The following TOGARAM1 variants were observed in gnomAD, a reference collection of about 807,000 sequenced individuals.
The protein encoded by TOGARAM1 is TOG array regulator of axonemal microtubules 1, also known as TOG array regulator of axonemal microtubules protein 1.
A neutral mutation model predicts 166.6 loss-of-function variants in TOGARAM1; 100 were observed. The ratio of observed to expected loss-of-function variants is 0.60; its 90% CI spans 0.51 to 0.71. The LOEUF (loss-of-function observed/expected upper bound fraction) is 0.71, where lower values mean the gene tolerates loss of function less well. TOGARAM1 is among the 30% of genes least tolerant of loss of function. TOGARAM1 has a pLI of 0.00. For synonymous variants in TOGARAM1, 758 were observed against 763.8 expected, an observed-to-expected ratio of 0.99 and a Z score of 0.13; for missense variants, 2,029 against 2,102.7, an observed-to-expected ratio of 0.96 and a Z score of 0.69.
intron 5 of TOGARAM1, chr14:45,007,001 T>G (rs1307762702): frequency 6.6e-6 from 1 of 152,140 alleles, no homozygotes; most frequent in African/African-American, 2.4e-5. Flanking sequence ...GCTGTATTAC[T>G]TTGGTTTCAG....
chr14:45,010,305 G>GT (rs1007271609), intron 6 of TOGARAM1, among the ~76,000 whole-genome samples: 2 of 152,152 alleles, frequency 1.3e-5, no homozygotes, highest in African/African-American at 4.8e-5. Context: ...GTACTTGGAA[G>GT]TTTTATCTTC....
intron 1 of TOGARAM1, among the ~76,000 whole-genome samples, chr14:44,980,662 C>T (rs1263007385): frequency 6.6e-6 from 1 of 152,118 alleles, no homozygotes. Context: ...GCCATGGCAA[C>T]AGAGTGAGAC....
chr14:45,040,273 G>C (rs1420764815), intron 11 of TOGARAM1, among the ~76,000 whole-genome samples: 1 of 152,050 alleles, frequency 6.6e-6, no homozygotes, highest in Non-Finnish European at 1.5e-5. Context: ...ATGAAATAAA[G>C]AATGAAACAT....
chr14:45,072,312 G>T (rs1883421131), intron 19 of TOGARAM1, among the ~76,000 whole-genome samples: 1 of 152,150 alleles, frequency 6.6e-6, no homozygotes, highest in South Asian at 2.1e-4. Context: ...ATGGTCCAGT[G>T]CTGTCTCAGG....
intron 6 of TOGARAM1, among the ~76,000 whole-genome samples, chr14:45,011,524 G>A (rs1879791526): frequency 6.6e-6 from 1 of 151,984 alleles, no homozygotes; most frequent in African/African-American, 2.4e-5. Flanking sequence ...ATGGTGCCCA[G>A]GCTGGCCTTG....
chr14:45,053,782 A>G (rs1050316809), intron 15 of TOGARAM1, among the ~76,000 whole-genome samples: 10 of 152,222 alleles, frequency 6.6e-5, no homozygotes, highest in African/African-American at 2.2e-4. Context: ...AATGTTGCAT[A>G]GGAACAACAG....
intron 1 of TOGARAM1, among the ~76,000 whole-genome samples, chr14:44,992,866 C>T (rs1459377367): frequency 1.3e-5 from 2 of 151,490 alleles, no homozygotes; most frequent in East Asian, 3.9e-4. Context: ...ATCTGCCTGC[C>T]TGGGCCTCCC....
intron 8 of TOGARAM1, 37 bp downstream of exon 8, chr14:45,025,909 T>TAA: frequency 1.9e-6 from 2 of 1,078,156 alleles, no homozygotes; most frequent in Non-Finnish European, 2.8e-6. Context: ...ATTATATGTA[T>TAA]TCATCATATA....
chr14:45,016,833 G>A (rs1044959252), intron 7 of TOGARAM1, among the ~76,000 whole-genome samples: 7 of 152,156 alleles, frequency 4.6e-5, no homozygotes, highest in African/African-American at 1.4e-4. Flanking sequence ...GTACTATAAT[G>A]TTATAGTTCC....
intron 11 of TOGARAM1, among the ~76,000 whole-genome samples, chr14:45,041,184 C>T (rs1881707221): frequency 1.3e-5 from 2 of 152,232 alleles, no homozygotes; most frequent in African/African-American, 4.8e-5. Flanking sequence ...GGGCAGATCA[C>T]TTGAGGTCAG....
At chr14:45,059,262 C>CA (rs1411031626) in intron 16 of TOGARAM1, among the ~76,000 whole-genome samples, 5 of 152,050 alleles carry the variant, frequency 3.3e-5, no homozygotes, top group African/African-American at 1.2e-4. Flanking sequence ...AGGATGGACT[C>CA]AAACTCCTGG....
intron 1 of TOGARAM1, among the ~76,000 whole-genome samples, chr14:44,990,191 C>T (rs1054740040): frequency 6.6e-6 from 1 of 152,224 alleles, no homozygotes; most frequent in Non-Finnish European, 1.5e-5. Flanking sequence ...TCTAGATTCC[C>T]TGCCAGGTGC....
Position 45,044,800 on chromosome 14 carries a change from G to C in TOGARAM1, c.4084G>C (p.Ala1362Pro). The C allele has an allele frequency of 6.2e-7, 1 of 1,614,054 alleles. No homozygotes were observed. The highest frequency in any genetic ancestry group is 8.5e-7 in the Non-Finnish European group (1 of 1,180,002). Residue 1362 changes from alanine to proline, a missense_variant, in exon 13 of 20, where the codon GCA (alanine) becomes CCA (proline). This residue lies in a region of TOGARAM1 where 576 missense variants were observed against 670.5 expected (regional missense o/e 0.86). Coordinates refer to ENST00000361462, the MANE Select transcript of TOGARAM1 (RefSeq NM_001308120.2). The part of the protein sequence containing the change: ...NTFIREDVDK[A>P]LRAMVNNVTP... ...ATTTATAAGAGAAGATGTTGACAAA[G>C]CATTGAGAGCTATGGTTAATAATGT... is the stretch of plus-strand genomic sequence containing the variant.
At chr14:45,070,705 A>G (rs1883339856) in intron 18 of TOGARAM1, among the ~76,000 whole-genome samples, 1 of 152,192 alleles carries the variant, frequency 6.6e-6, no homozygotes, top group African/African-American at 2.4e-5. Context: ...GAAAAGTTAA[A>G]CACGAATTTT....
chr14:45,059,337 C>T (rs887749381), intron 16 of TOGARAM1, among the ~76,000 whole-genome samples: 1 of 152,124 alleles, frequency 6.6e-6, no homozygotes, highest in Non-Finnish European at 1.5e-5. Context: ...GCCACCACAT[C>T]TGGCTTTAAA....
chr14:45,010,470 G>A (rs1272471543), intron 6 of TOGARAM1, among the ~76,000 whole-genome samples: 1 of 152,160 alleles, frequency 6.6e-6, no homozygotes, highest in East Asian at 1.9e-4. Context: ...GATCTTCCAT[G>A]AAGATGAAAA....
At chr14:45,063,084 TCTTATA>T (rs567163040) in intron 16 of TOGARAM1, among the ~76,000 whole-genome samples, 74 of 152,310 alleles carry the variant, frequency 4.9e-4, no homozygotes, top group African/African-American at 1.7e-3. Flanking sequence ...GTGACTGGCT[TCTTATA>T]CTTACGTTTA....
At chr14:45,031,281 A>G (rs1418536048) in intron 10 of TOGARAM1, among the ~76,000 whole-genome samples, 1 of 152,146 alleles carries the variant, frequency 6.6e-6, no homozygotes, top group African/African-American at 2.4e-5. Flanking sequence ...TTTCTTTTTA[A>G]TATCTCCACT....
chr14:44,972,559 G>T (rs1885942987), intron 1 of TOGARAM1, among the ~76,000 whole-genome samples: 1 of 151,994 alleles, frequency 6.6e-6, no homozygotes, highest in Non-Finnish European at 1.5e-5. Flanking sequence ...CTGTTGTTGG[G>T]CACACATTAA....
Sources: gnomAD v4.1 joint callset for allele counts (sites outside exome capture counted in the v4.1 genomes callset) on GRCh38, gnomAD v4.1.1 for gene constraint, gnomAD v4.1.1 regional missense constraint, MANE v1.5 for transcripts, NCBI Gene and HGNC (gene_info 2026-07-23, HGNC 2026-07-21) for gene names.